TACR3: variants seen among roughly 807,000 people sequenced by gnomAD.
TACR3 encodes the protein tachykinin receptor 3.
A neutral mutation model predicts 35.0 loss-of-function variants in TACR3; 34 were observed. The ratio of observed to expected loss-of-function variants is 0.97; its 90% CI spans 0.74 to 1.30. TACR3 has a LOEUF of 1.30. Ranked by LOEUF, TACR3 falls within the 50% of genes most tolerant of loss-of-function variation. TACR3 has a pLI of 0.00. For missense variants in TACR3, 558 were observed against 591.7 expected (o/e 0.94, Z 0.59); for synonymous variants, 233 against 221.1 (o/e 1.05, Z -0.48).
chr4:103,710,910 T>C (rs1012789765), intron 1 of TACR3, among the ~76,000 whole-genome samples: 11 of 151,566 alleles, frequency 7.3e-5, no homozygotes, highest in Non-Finnish European at 1.2e-4. Flanking sequence ...GATAAATTCC[T>C]GGACACATAC....
At chr4:103,664,800 C>T (rs2086646) in intron 1 of TACR3, among the ~76,000 whole-genome samples, 21,775 of 151,810 alleles carry the variant, frequency 0.14, 1,664 homozygotes, top group South Asian at 0.21. Context: ...TTCATAACTG[C>T]CTTTTCTATT....
intron 3 of TACR3, among the ~76,000 whole-genome samples, chr4:103,627,034 T>C (rs1724909295): frequency 6.7e-6 from 1 of 149,502 alleles, no homozygotes; most frequent in Admixed American, 6.7e-5. Flanking sequence ...AAAAAAAAAT[T>C]AGCTGGGCGT....
chr4:103,602,829 G>A (rs916216968), intron 3 of TACR3, among the ~76,000 whole-genome samples: 6 of 152,196 alleles, frequency 3.9e-5, no homozygotes, highest in East Asian at 1.9e-4. Context: ...TAGGCTACTC[G>A]GGGGTCAGGG....
At chr4:103,686,983 T>C (rs1000211885) in intron 1 of TACR3, among the ~76,000 whole-genome samples, 5 of 152,124 alleles carry the variant, frequency 3.3e-5, no homozygotes, top group Non-Finnish European at 7.3e-5. Flanking sequence ...TGAACACTGA[T>C]GCAAAAATCC....
intron 3 of TACR3, among the ~76,000 whole-genome samples, chr4:103,596,212 C>T (rs13133383): frequency 2.4e-4 from 37 of 151,358 alleles, no homozygotes; most frequent in Non-Finnish European, 3.5e-4. Flanking sequence ...AATAAACATA[C>T]GTGTGCATGT....
At position 103,589,518 on chromosome 4, in the gene TACR3, C is replaced by T; in HGVS notation, c.*164G>A. ...GTGGAGGCTAACATGTTATTAGTGT[C>T]TTTGTCACATTTATACACTACCTTT... is the stretch of plus-strand genomic sequence containing the variant. On this transcript the variant is annotated 3_prime_UTR_variant, in exon 5 of 5. Coordinates refer to ENST00000304883, the MANE Select transcript of TACR3 (RefSeq NM_001059.3). The T allele has an allele frequency of 1.4e-6, 1 of 690,376 alleles. No homozygotes were observed. The highest frequency in any genetic ancestry group is 2.4e-6 in the Non-Finnish European group (1 of 416,676). 42.8% of individuals were successfully genotyped at this position (690,376 alleles called of 1,614,324 possible). A position where few individuals can be genotyped will look rare whatever the true frequency, so the allele number is the denominator to read the frequency against.
At chr4:103,648,875 A>G (rs1370063403) in intron 3 of TACR3, among the ~76,000 whole-genome samples, 2 of 152,122 alleles carry the variant, frequency 1.3e-5, no homozygotes, top group African/African-American at 4.8e-5. Flanking sequence ...ACTGTTCTCC[A>G]TAGTGTTTGT....
chr4:103,660,788 G>A (rs567805359), intron 1 of TACR3, among the ~76,000 whole-genome samples: 63 of 151,896 alleles, frequency 4.1e-4, no homozygotes, highest in South Asian at 1.5e-3. Flanking sequence ...AAAATAATGC[G>A]TATGTTTCAA....
intron 3 of TACR3, among the ~76,000 whole-genome samples, chr4:103,619,123 A>T (rs1724723119): frequency 6.6e-6 from 1 of 152,112 alleles, no homozygotes; most frequent in South Asian, 2.1e-4. Context: ...CAATTTTAGG[A>T]GTCTTTGAGC....
chr4:103,666,788 T>C (rs552007430), intron 1 of TACR3, among the ~76,000 whole-genome samples: 1 of 152,276 alleles, frequency 6.6e-6, no homozygotes, highest in East Asian at 1.9e-4. Context: ...AGTTTTAAAA[T>C]CAGAACATAT....
chr4:103,643,207 ATTTG>A (rs761167519), intron 3 of TACR3, among the ~76,000 whole-genome samples: 2 of 151,894 alleles, frequency 1.3e-5, no homozygotes, highest in Non-Finnish European at 2.9e-5. Flanking sequence ...AAACTTATTC[ATTTG>A]TTTGTATTAG....
At chr4:103,686,398 C>A (rs1375181952) in intron 1 of TACR3, among the ~76,000 whole-genome samples, 1 of 152,050 alleles carries the variant, frequency 6.6e-6, no homozygotes, top group Non-Finnish European at 1.5e-5. Context: ...CAGAGATAAA[C>A]CTTTAGAAAC....
Position 103,589,731 on chromosome 4 carries a change from G to A in TACR3, c.1349C>T (p.Thr450Ile), listed in dbSNP as rs916300789. The A allele has an allele frequency of 3.7e-6, 6 of 1,613,886 alleles. No homozygotes were observed. The highest frequency in any genetic ancestry group is 1.3e-5 in the African/African-American group (1 of 74,916). The change falls in exon 5 of 5, where the codon ACT becomes ATT. Residue 450 changes from threonine to isoleucine, a missense_variant. Physicochemically the swap from Thr to Ile is moderately conservative, Grantham distance 89 (BLOSUM62 -1). Coordinates refer to ENST00000304883, the MANE Select transcript of TACR3 (RefSeq NM_001059.3). Reference protein sequence around the residue: ...SRRNSKSASATSSFISSPYTS... With the variant: ...SRRNSKSASAISSFISSPYTS... Reference sequence around the variant, plus strand: ...ATAGGGTGAGCTTATGAAACTTGAAGTGGCGGAGGCAGATTTGGAATTCCT... The same window carrying A: ...ATAGGGTGAGCTTATGAAACTTGAAATGGCGGAGGCAGATTTGGAATTCCT...
At chr4:103,685,863 C>A (rs188990142) in intron 1 of TACR3, among the ~76,000 whole-genome samples, 1 of 152,164 alleles carries the variant, frequency 6.6e-6, no homozygotes, top group African/African-American at 2.4e-5. Context: ...TTCCCCAGGT[C>A]CACAGTGTGA....
intron 3 of TACR3, among the ~76,000 whole-genome samples, chr4:103,601,988 C>G (rs1159969178): frequency 6.6e-6 from 1 of 152,196 alleles, no homozygotes; most frequent in African/African-American, 2.4e-5. Flanking sequence ...TGTTTTCCAA[C>G]TTGGTTCCAA....
At chr4:103,674,399 AGATAAACTGT>A (rs1372205197) in intron 1 of TACR3, among the ~76,000 whole-genome samples, 1 of 152,060 alleles carries the variant, frequency 6.6e-6, no homozygotes. Flanking sequence ...ATAAGCTACC[AGATAAACTGT>A]GGAAATAGAT....
intron 1 of TACR3, among the ~76,000 whole-genome samples, chr4:103,705,559 CATAA>C (rs1228496568): frequency 1.3e-5 from 2 of 151,922 alleles, no homozygotes; most frequent in African/African-American, 2.4e-5. Context: ...ATTTATATTT[CATAA>C]ATAAATATAA....
chr4:103,672,428 C>G (rs1726076476), intron 1 of TACR3, among the ~76,000 whole-genome samples: 1 of 152,136 alleles, frequency 6.6e-6, no homozygotes, highest in South Asian at 2.1e-4. Context: ...TGTCTTGTGT[C>G]AGCAGACATG....
chr4:103,599,918 T>C (rs1172377558), intron 3 of TACR3, among the ~76,000 whole-genome samples: 1 of 152,132 alleles, frequency 6.6e-6, no homozygotes, highest in Non-Finnish European at 1.5e-5. Context: ...AAAATTCTCT[T>C]TTTTGGTTGT....
Sources: gnomAD v4.1 joint callset for allele counts (sites outside exome capture counted in the v4.1 genomes callset) on GRCh38, gnomAD v4.1.1 for gene constraint, MANE v1.5 for transcripts, NCBI Gene and HGNC (gene_info 2026-07-23, HGNC 2026-07-21) for gene names.